Variants in COL26A1 observed in about 807,000 individuals in gnomAD.
COL26A1 encodes the protein collagen type XXVI alpha 1 chain.
COL26A1 carries 41 observed loss-of-function variants against 59.3 expected under a neutral mutation model. That is an observed-to-expected ratio of 0.69 (90% CI 0.54 to 0.90). The LOEUF (loss-of-function observed/expected upper bound fraction) is 0.90. COL26A1 is among the 40% of genes least tolerant of loss of function. The probability of loss-of-function intolerance (pLI) is 0.00; values close to 1 mark genes in which losing one functional copy is unlikely to be tolerated. For synonymous variants in COL26A1, 266 were observed against 256.0 expected, an observed-to-expected ratio of 1.04 and a Z score of -0.37; for missense variants, 612 against 602.3, an observed-to-expected ratio of 1.02 and a Z score of -0.17.
intron 3 of COL26A1, among the ~76,000 whole-genome samples, chr7:101,482,551 T>G (rs1237188843): frequency 1.3e-5 from 2 of 152,164 alleles, no homozygotes; most frequent in African/African-American, 4.8e-5. Context: ...ATTGTAATAG[T>G]CAGGATGGAC....
rs561827613 is a variant in COL26A1 at position 101,496,721 on chromosome 7, A to G, written c.386-36361A>G. On this transcript the variant is annotated intron_variant, in intron 3 of 12. Coordinates refer to ENST00000313669, the MANE Select transcript of COL26A1 (RefSeq NM_001278563.3). ...GCCAACATGGCAAAAACCCATCTCT[A>G]CCAAAAATACAAAAAATTCCCAGGC... is the stretch of plus-strand genomic sequence containing the variant. Among the ~76,000 whole-genome samples, 15 of 152,208 alleles carry G rather than the reference A, an allele frequency of 9.9e-5. 1 individual carries two copies. The South Asian group carries it at 1.7e-3, about 17-fold the overall frequency.
chr7:101,539,050 G>C (rs1273382550), intron 4 of COL26A1, among the ~76,000 whole-genome samples: 1 of 152,240 alleles, frequency 6.6e-6, no homozygotes, highest in East Asian at 1.9e-4. Flanking sequence ...CTCTCAAGTT[G>C]TTTAAAGGAA....
rs542534868 is a variant in COL26A1 at position 101,526,908 on chromosome 7, A to G, written c.386-6174A>G. On this transcript the variant is annotated intron_variant, in intron 3 of 12. Transcript: ENST00000313669. Reference sequence around the variant, plus strand: ...AAGCCACACGGTGAGTTCCTGGCCAACTTAGACCCAGGTCTCTATAGTTCT... The same window carrying G: ...AAGCCACACGGTGAGTTCCTGGCCAGCTTAGACCCAGGTCTCTATAGTTCT... 1.1e-4 allele frequency among the ~76,000 whole-genome samples: 17 copies of G among 152,298 alleles called. No individual in the cohort carries two copies. The East Asian group carries it at 2.9e-3, about 26-fold the overall frequency.
intron 1 of COL26A1, among the ~76,000 whole-genome samples, chr7:101,366,497 TTTTTTTTTTTTTTTTTTTTTA>T (rs1467630167): frequency 0.17 from 11,013 of 65,912 alleles, 1,131 homozygotes; most frequent in African/African-American, 0.44. Flanking sequence ...TTTTTTTTTT[TTTTTTTTTTTTTTTTTTTTTA>T]AAGACAGGGT....
chr7:101,553,203 C>CG (rs1372970142), intron 10 of COL26A1, 123 bp from the exon 11 acceptor site: 3 of 821,042 alleles, frequency 3.7e-6, no homozygotes, highest in Non-Finnish European at 6.0e-6. Flanking sequence ...GCCCAGCACC[C>CG]GTTTCCCAGG....
At position 101,544,044 on chromosome 7, in the gene COL26A1, G is replaced by C; in HGVS notation, c.651G>C (p.Gly217=). The C allele has an allele frequency of 6.2e-7, 1 of 1,602,832 alleles. No individual in the cohort carries two copies. The highest frequency in any genetic ancestry group is 8.5e-7 in the Non-Finnish European group (1 of 1,175,422). The change falls in exon 6 of 13, where the codon GGG becomes GGC. Residue 217 remains glycine (G), a synonymous_variant. Coordinates refer to ENST00000313669, the MANE Select transcript of COL26A1 (RefSeq NM_001278563.3). ...CACCAGGGCCTGCAGGCCCCCCCGG[G>C]TCTAAAGGTGACCGAGGCCAGACAG... is the stretch of plus-strand genomic sequence containing the variant. ...TGPPGPAGPP[G]SKGDRGQTGE...
intron 3 of COL26A1, among the ~76,000 whole-genome samples, chr7:101,473,918 A>G (rs1046923941): frequency 1.3e-5 from 2 of 152,318 alleles, no homozygotes; most frequent in Admixed American, 6.5e-5. Context: ...TTGCCCATCA[A>G]TGAAATGGGA....
At chr7:101,422,372 G>GAAA (rs3072484) in intron 2 of COL26A1, among the ~76,000 whole-genome samples, 12 of 72,964 alleles carry the variant, frequency 1.6e-4, no homozygotes, top group South Asian at 5.6e-4. Context: ...GGTCCAAAAT[G>GAAA]AAAAAAAAAA....
intron 2 of COL26A1, among the ~76,000 whole-genome samples, chr7:101,443,849 TTTTTTCTTTTCC>T (rs1379033963): frequency 6.7e-6 from 1 of 150,166 alleles, no homozygotes; most frequent in African/African-American, 2.4e-5. Flanking sequence ...GTATTCCAAG[TTTTTTCTTTTCC>T]TTTTTCTTTT....
At chr7:101,452,779 T>C (rs1452180255) in intron 3 of COL26A1, among the ~76,000 whole-genome samples, 1 of 151,930 alleles carries the variant, frequency 6.6e-6, no homozygotes, top group Non-Finnish European at 1.5e-5. Context: ...ATTAATTTTT[T>C]TTTTTGAGAT....
chr7:101,550,974 C>T (rs1278640833), intron 9 of COL26A1, 134 bp from the exon 10 acceptor site: 21 of 996,962 alleles, frequency 2.1e-5, no homozygotes, highest in East Asian at 1.3e-4. Context: ...CTTCCCGTGC[C>T]GGCCGGGCCA....
At chr7:101,530,288 G>C (rs1316697062) in intron 3 of COL26A1, among the ~76,000 whole-genome samples, 1 of 152,058 alleles carries the variant, frequency 6.6e-6, no homozygotes, top group Non-Finnish European at 1.5e-5. Context: ...AAGGCACTAG[G>C]CTGGGCGTGG....
chr7:101,549,667 C>G (rs1054792859), intron 9 of COL26A1, among the ~76,000 whole-genome samples: 2 of 152,122 alleles, frequency 1.3e-5, no homozygotes, highest in African/African-American at 4.8e-5. Flanking sequence ...CAGGTGTGAG[C>G]CACTGCGCCC....
intron 3 of COL26A1, among the ~76,000 whole-genome samples, chr7:101,528,133 C>T (rs2130628116): frequency 6.6e-6 from 1 of 152,232 alleles, no homozygotes; most frequent in Non-Finnish European, 1.5e-5. Context: ...GCTGGACCCA[C>T]CCCACAACCC....
At chr7:101,378,581 C>A (rs1791373278) in intron 1 of COL26A1, among the ~76,000 whole-genome samples, 1 of 151,906 alleles carries the variant, frequency 6.6e-6, no homozygotes, top group Admixed American at 6.6e-5. Flanking sequence ...AGGCTGGTCT[C>A]GAACTCCTGG....
chr7:101,497,096 G>T (rs1040636816), intron 3 of COL26A1, among the ~76,000 whole-genome samples: 1 of 151,492 alleles, frequency 6.6e-6, no homozygotes, highest in African/African-American at 2.4e-5. Context: ...AAATTAGCTG[G>T]GTGCAGTGGT....
intron 3 of COL26A1, among the ~76,000 whole-genome samples, chr7:101,496,707 A>G (rs4348407): frequency 0.27 from 41,352 of 151,550 alleles, 7,808 homozygotes; most frequent in African/African-American, 0.54. Context: ...CCAACATGGC[A>G]AAAACCCATC....
intron 10 of COL26A1, 95 bp downstream of exon 10, chr7:101,551,238 T>TTGGGGGGGGGGGA: frequency 1.4e-5 from 7 of 491,344 alleles, no homozygotes; most frequent in East Asian, 1.0e-4. Flanking sequence ...GGTGGGGGGG[T>TTGGGGGGGGGGGA]TCAGCCCTGG....
At chr7:101,464,264 C>A (rs191202894) in intron 3 of COL26A1, among the ~76,000 whole-genome samples, 1 of 152,172 alleles carries the variant, frequency 6.6e-6, no homozygotes, top group Non-Finnish European at 1.5e-5. Flanking sequence ...CCACTCCCAG[C>A]TAATTTTTTA....
Sources: allele counts gnomAD v4.1 joint callset (sites outside exome capture counted in the v4.1 genomes callset), GRCh38; gene constraint gnomAD v4.1.1; transcripts MANE v1.5; gene names NCBI Gene and HGNC (gene_info 2026-07-23, HGNC 2026-07-21).